PAPPA2: variants seen among roughly 807,000 people sequenced by gnomAD.
PAPPA2 encodes the protein pappalysin 2.
Under a neutral mutation model 176.4 loss-of-function variants are expected in PAPPA2, and 86 were observed. The ratio of observed to expected loss-of-function variants is 0.49; its 90% CI spans 0.41 to 0.58. PAPPA2 has a LOEUF of 0.58. PAPPA2 is among the 20% of genes least tolerant of loss of function. The pLI is 0.00. For missense variants in PAPPA2, 2,073 were observed against 2,256.9 expected (o/e 0.92, Z 1.65); for synonymous variants, 809 against 852.2 (o/e 0.95, Z 0.88).
chr1:176,709,702 CT>C, intron 10 of PAPPA2, among the ~76,000 whole-genome samples: 1 of 152,242 alleles, frequency 6.6e-6, no homozygotes, highest in Non-Finnish European at 1.5e-5. Flanking sequence ...TCTACAGCTG[CT>C]TTTTTTCTCC....
chr1:176,613,596 C>G (rs1352817471), intron 3 of PAPPA2, among the ~76,000 whole-genome samples: 2 of 152,196 alleles, frequency 1.3e-5, no homozygotes, highest in Non-Finnish European at 2.9e-5. Flanking sequence ...TCAAAACTAT[C>G]TTTTGAGGCT....
chr1:176,749,280 G>C (rs893926186), intron 14 of PAPPA2, among the ~76,000 whole-genome samples: 13 of 152,252 alleles, frequency 8.5e-5, no homozygotes, highest in Admixed American at 5.9e-4. Context: ...TTATTTTTAA[G>C]GTCTTTATTC....
intron 6 of PAPPA2, among the ~76,000 whole-genome samples, chr1:176,694,517 C>T: frequency 6.6e-6 from 1 of 152,226 alleles, no homozygotes; most frequent in East Asian, 1.9e-4. Flanking sequence ...GTCATAATCA[C>T]TACCTTTATT....
chr1:176,710,234 CT>C, intron 11 of PAPPA2, 58 bp downstream of exon 11: 1 of 1,465,206 alleles, frequency 6.8e-7, no homozygotes, highest in South Asian at 1.2e-5. Flanking sequence ...GTGACTCCCC[CT>C]ATGCTTACAC....
chr1:176,815,023 C>A (rs1278434193), intron 21 of PAPPA2, among the ~76,000 whole-genome samples: 1 of 152,154 alleles, frequency 6.6e-6, no homozygotes, highest in African/African-American at 2.4e-5. Flanking sequence ...AAGGCCTTTT[C>A]TACATCTGTT....
intron 12 of PAPPA2, among the ~76,000 whole-genome samples, chr1:176,734,009 T>A (rs978289153): frequency 1.3e-5 from 2 of 152,024 alleles, no homozygotes; most frequent in Non-Finnish European, 2.9e-5. Flanking sequence ...CATGTCCTTG[T>A]ATAGAGAGGT....
intron 1 of PAPPA2, among the ~76,000 whole-genome samples, chr1:176,489,462 A>G (rs1652798761): frequency 6.6e-6 from 1 of 152,202 alleles, no homozygotes; most frequent in African/African-American, 2.4e-5. Context: ...TGGAGATATT[A>G]CCATATTGAT....
intron 12 of PAPPA2, among the ~76,000 whole-genome samples, chr1:176,719,634 A>G: frequency 6.6e-6 from 1 of 152,040 alleles, no homozygotes; most frequent in South Asian, 2.1e-4. Context: ...CGATAATTTC[A>G]CTTTCACTGA....
intron 12 of PAPPA2, among the ~76,000 whole-genome samples, chr1:176,719,113 C>T (rs1165141144): frequency 6.6e-6 from 1 of 151,980 alleles, no homozygotes; most frequent in Non-Finnish European, 1.5e-5. Flanking sequence ...CTTTACTTAG[C>T]CTGGTAGTGT....
intron 2 of PAPPA2, among the ~76,000 whole-genome samples, chr1:176,561,698 C>A (rs970182527): frequency 8.5e-5 from 13 of 152,126 alleles, no homozygotes; most frequent in Admixed American, 6.5e-4. Context: ...TTTTGAAAAT[C>A]TGATGAAAGC....
At chr1:176,799,986 C>A in intron 20 of PAPPA2, 75 bp from the exon 21 acceptor site, 1 of 1,473,596 alleles carries the variant, frequency 6.8e-7, no homozygotes, top group Non-Finnish European at 9.5e-7. Context: ...CTGTGGTGAG[C>A]TCAGGATTTG....
At chr1:176,824,073 A>G (rs1666767136) in intron 21 of PAPPA2, among the ~76,000 whole-genome samples, 1 of 152,192 alleles carries the variant, frequency 6.6e-6, no homozygotes, top group African/African-American at 2.4e-5. Context: ...AAGATAAAGT[A>G]AACAGGATTG....
At chr1:176,740,262 C>A (rs920236103) in intron 14 of PAPPA2, 66 bp downstream of exon 14, 12 of 1,461,772 alleles carry the variant, frequency 8.2e-6, no homozygotes, top group Middle Eastern at 1.7e-4. Flanking sequence ...CTCACATTTA[C>A]ATAGTGTTAT....
At chr1:176,664,567 G>C (rs1430710650) in intron 3 of PAPPA2, among the ~76,000 whole-genome samples, 1 of 152,022 alleles carries the variant, frequency 6.6e-6, no homozygotes, top group Non-Finnish European at 1.5e-5. Flanking sequence ...AGTCCTTTTT[G>C]CCATGTAAGA....
At chr1:176,613,030 T>C (rs1225777211) in intron 3 of PAPPA2, among the ~76,000 whole-genome samples, 1 of 151,936 alleles carries the variant, frequency 6.6e-6, no homozygotes, top group Non-Finnish European at 1.5e-5. Flanking sequence ...TTAGAAAAAG[T>C]TTTTCCTGGT....
chr1:176,544,465 T>C (rs1409365968), intron 1 of PAPPA2, among the ~76,000 whole-genome samples: 1 of 152,202 alleles, frequency 6.6e-6, no homozygotes, highest in Non-Finnish European at 1.5e-5. Context: ...AGGTTCTAAA[T>C]GCTGAGTGGT....
At chr1:176,666,613 G>GAT (rs1658665200) in intron 3 of PAPPA2, among the ~76,000 whole-genome samples, 2 of 149,868 alleles carry the variant, frequency 1.3e-5, no homozygotes, top group African/African-American at 2.5e-5. Context: ...GTGTGTGAGA[G>GAT]AGAGAGAGAG....
At chr1:176,650,022 T>C (rs1210114672) in intron 3 of PAPPA2, among the ~76,000 whole-genome samples, 1 of 151,628 alleles carries the variant, frequency 6.6e-6, no homozygotes, top group East Asian at 1.9e-4. Context: ...ATTATTGTAT[T>C]GCAGTCTTTC....
chr1:176,473,616 C>G (rs770102562), intron 1 of PAPPA2, among the ~76,000 whole-genome samples: 6 of 152,146 alleles, frequency 3.9e-5, no homozygotes, highest in Non-Finnish European at 7.4e-5. Flanking sequence ...AAAATGTTTT[C>G]CAAAGTGGCT....
Sources: allele counts gnomAD v4.1 joint callset (sites outside exome capture counted in the v4.1 genomes callset), GRCh38; gene constraint gnomAD v4.1.1; transcripts MANE v1.5; gene names NCBI Gene and HGNC (gene_info 2026-07-23, HGNC 2026-07-21).